Variants in BMAL1 observed in about 807,000 individuals in gnomAD.
BMAL1 encodes the protein basic helix-loop-helix ARNT like 1.
chr11:13,375,733 A>G, the BMAL1 span: 1 of 1,594,318 alleles, frequency 6.3e-7, no homozygotes, highest in Non-Finnish European at 8.5e-7. Context: ...AGGAAGTAGA[A>G]TATATTGTCT....
At chr11:13,369,859 T>C in the BMAL1 span, 2 of 1,507,096 alleles carry the variant, frequency 1.3e-6, no homozygotes, top group Non-Finnish European at 1.8e-6. Flanking sequence ...CCATGGTTTC[T>C]GGCTGGCCAG....
chr11:13,306,777 G>A, the BMAL1 span, among the ~76,000 whole-genome samples: 2 of 152,232 alleles, frequency 1.3e-5, no homozygotes, highest in African/African-American at 4.8e-5. Context: ...TGACTGGGAA[G>A]GATGCTGTAG....
the BMAL1 span, among the ~76,000 whole-genome samples, chr11:13,362,652 C>T: frequency 6.6e-6 from 1 of 152,094 alleles, no homozygotes; most frequent in Non-Finnish European, 1.5e-5. Flanking sequence ...CACAGTTATT[C>T]AAACACCCAA....
chr11:13,371,094 C>T, the BMAL1 span, among the ~76,000 whole-genome samples: 2 of 152,204 alleles, frequency 1.3e-5, no homozygotes, highest in Admixed American at 6.5e-5. Flanking sequence ...TCTGTCTCCC[C>T]CACTAGGCTG....
At chr11:13,354,208 C>CCCAACCCCCCAA in the BMAL1 span, 3 of 985,862 alleles carry the variant, frequency 3.0e-6, no homozygotes, top group African/African-American at 1.7e-5. Flanking sequence ...CGGCCCCCCA[C>CCCAACCCCCCAA]CACCAAACCC....
At chr11:13,382,410 C>G in the BMAL1 span, among the ~76,000 whole-genome samples, 1 of 152,180 alleles carries the variant, frequency 6.6e-6, no homozygotes, top group Non-Finnish European at 1.5e-5. Context: ...TAGCCAGCAT[C>G]TTTGCACGAG....
the BMAL1 span, among the ~76,000 whole-genome samples, chr11:13,376,151 C>T: frequency 6.6e-6 from 1 of 152,204 alleles, no homozygotes; most frequent in Non-Finnish European, 1.5e-5. Flanking sequence ...ATGGGGAGGT[C>T]TCCATACCTG....
At chr11:13,316,644 C>A in the BMAL1 span, among the ~76,000 whole-genome samples, 1 of 152,178 alleles carries the variant, frequency 6.6e-6, no homozygotes, top group Non-Finnish European at 1.5e-5. Context: ...GCCCAGTTCC[C>A]TAGGGCAACT....
chr11:13,352,174 A>G, the BMAL1 span, among the ~76,000 whole-genome samples: 1 of 152,182 alleles, frequency 6.6e-6, no homozygotes, highest in Non-Finnish European at 1.5e-5. Context: ...TTCTCAGTTC[A>G]CTAAGAAGCA....
chr11:13,279,249 C>T, the BMAL1 span, among the ~76,000 whole-genome samples: 2 of 152,218 alleles, frequency 1.3e-5, no homozygotes, highest in Admixed American at 1.3e-4. Flanking sequence ...TATTTGTGAA[C>T]AAGCTTTTCT....
chr11:13,372,425 C>T, the BMAL1 span: 1 of 1,612,856 alleles, frequency 6.2e-7, no homozygotes, highest in East Asian at 2.2e-5. Flanking sequence ...AGTCTACATA[C>T]TACCCTTGAG....
the BMAL1 span, among the ~76,000 whole-genome samples, chr11:13,282,845 G>A: frequency 6.6e-6 from 1 of 152,228 alleles, no homozygotes; most frequent in Non-Finnish European, 1.5e-5. Flanking sequence ...GGCCATGGTT[G>A]TCCAATGCAC....
At chr11:13,370,210 C>G in the BMAL1 span, among the ~76,000 whole-genome samples, 1 of 152,128 alleles carries the variant, frequency 6.6e-6, no homozygotes, top group African/African-American at 2.4e-5. Flanking sequence ...CCCCGACCCC[C>G]TGCTGCTACA....
the BMAL1 span, among the ~76,000 whole-genome samples, chr11:13,316,026 C>T: frequency 2.0e-5 from 3 of 152,240 alleles, no homozygotes; most frequent in Non-Finnish European, 4.4e-5. Context: ...CTTCTGCCCA[C>T]TCCCTTTGCC....
chr11:13,321,707 A>T, the BMAL1 span, among the ~76,000 whole-genome samples: 3 of 152,148 alleles, frequency 2.0e-5, no homozygotes, highest in South Asian at 6.2e-4. Context: ...ATCAGTCATA[A>T]TTGACAAAAA....
chr11:13,329,278 C>T, the BMAL1 span, among the ~76,000 whole-genome samples: 12 of 152,268 alleles, frequency 7.9e-5, no homozygotes, highest in African/African-American at 2.9e-4. Context: ...CCAAGTTTTC[C>T]AGGACTCCTA....
the BMAL1 span, among the ~76,000 whole-genome samples, chr11:13,348,990 GGGAT>G: frequency 6.6e-6 from 1 of 152,198 alleles, no homozygotes; most frequent in Non-Finnish European, 1.5e-5. Context: ...AGGCAGTGCA[GGGAT>G]GGATTAGGAG....
the BMAL1 span, among the ~76,000 whole-genome samples, chr11:13,381,498 G>T: frequency 2.0e-5 from 3 of 152,184 alleles, no homozygotes; most frequent in African/African-American, 7.2e-5. Context: ...AAGGAATGGG[G>T]AACTGTCAGT....
chr11:13,363,127 CATATATATATATAT>C, the BMAL1 span, among the ~76,000 whole-genome samples: 115 of 109,916 alleles, frequency 1.0e-3, no homozygotes, highest in African/African-American at 2.8e-3. Context: ...GTCTTTATTT[CATATATATATATAT>C]ATATATATAT....
Sources: gnomAD v4.1 joint callset for allele counts (sites outside exome capture counted in the v4.1 genomes callset) on GRCh38, gnomAD v4.1.1 for gene constraint, MANE v1.5 for transcripts, NCBI Gene and HGNC (gene_info 2026-07-23, HGNC 2026-07-21) for gene names.